Variants in KMO observed in about 807,000 individuals in gnomAD.
KMO encodes kynurenine 3-monooxygenase, also known as kynurenine 3-hydroxylase.
A neutral mutation model predicts 57.8 loss-of-function variants in KMO; 24 were observed. That is an observed-to-expected ratio of 0.42 (90% CI 0.30 to 0.58). The LOEUF is 0.58. Among genes scored for constraint, KMO ranks in the 20% least tolerant of loss-of-function variants. KMO has a pLI of 0.22. For missense variants in KMO, 483 were observed against 588.2 expected, an observed-to-expected ratio of 0.82 and a Z score of 1.85; for synonymous variants, 210 against 193.6, an observed-to-expected ratio of 1.08 and a Z score of -0.70.
At chr1:241,582,571 T>C (rs1285673245) in intron 10 of KMO, among the ~76,000 whole-genome samples, 1 of 152,230 alleles carries the variant, frequency 6.6e-6, no homozygotes, top group Non-Finnish European at 1.5e-5. Context: ...GATGCATTTT[T>C]CAATTGAATT....
At chr1:241,577,382 A>G (rs1662561906) in intron 10 of KMO, among the ~76,000 whole-genome samples, 1 of 152,008 alleles carries the variant, frequency 6.6e-6, no homozygotes, top group Non-Finnish European at 1.5e-5. Context: ...TTATTTTTAA[A>G]TTTATTTTTG....
In KMO at chr1:241,551,058, G is replaced by A. The variant is rs201269391; in HGVS notation, c.312+14G>A. On this transcript the variant is annotated intron_variant, in intron 4 of 14. Transcript: ENST00000366559. ...ACAAAGTCTCAGGTAGGTTTACCCC[G>A]GAGATCATTGTGCATTGATTATAAG... 1.6e-4 allele frequency: 226 copies of A among 1,393,232 alleles called. No individual in the cohort carries two copies. Among genetic ancestry groups the A allele is most frequent in the Admixed American group, 2.5e-4 (12 of 48,674 alleles). 86.3% of individuals were successfully genotyped at this position (1,393,232 alleles called of 1,614,324 possible).
rs1039751111 is a variant in KMO at position 241,595,324 on chromosome 1, C to G, written c.*3171C>G. 1 of 152,274 alleles carries G rather than the reference C, an allele frequency of 6.6e-6. No homozygotes were observed. Among genetic ancestry groups the G allele is most frequent in the African/African-American group, 2.4e-5 (1 of 41,422 alleles). The allele number at this position is 152,274 out of a possible 1,614,324, so 9.4% of individuals were successfully genotyped here. A position where few individuals can be genotyped will look rare whatever the true frequency, so the allele number is the denominator to read the frequency against. ...CTCTGCTGTTCCTCTCTACAAGAAC[C>G]TGGGAGGCCAACGCCTAAAGATCAT... On this transcript the variant is annotated 3_prime_UTR_variant, in exon 15 of 15. Coordinates refer to ENST00000366559, the MANE Select transcript of KMO (RefSeq NM_003679.5).
At chr1:241,574,093 G>A (rs959474023) in intron 10 of KMO, among the ~76,000 whole-genome samples, 1 of 152,020 alleles carries the variant, frequency 6.6e-6, no homozygotes, top group Non-Finnish European at 1.5e-5. Flanking sequence ...GTATAGCAAC[G>A]CTACTGATTT....
At chr1:241,575,291 C>A (rs547889599) in intron 10 of KMO, among the ~76,000 whole-genome samples, 20 of 152,040 alleles carry the variant, frequency 1.3e-4, no homozygotes, top group African/African-American at 3.6e-4. Context: ...TTGTTTATTT[C>A]TTTTCTTCTG....
intron 1 of KMO, among the ~76,000 whole-genome samples, chr1:241,543,792 C>T (rs775365251): frequency 3.9e-5 from 6 of 152,136 alleles, no homozygotes; most frequent in Non-Finnish European, 5.9e-5. Flanking sequence ...GCCCACACTA[C>T]CCGAGATCCC....
chr1:241,568,637 G>C lies in KMO; in HGVS notation c.947G>C (p.Gly316Ala). 6.2e-7 allele frequency: 1 copy of C among 1,613,522 alleles called. No homozygotes were observed. The highest frequency in any genetic ancestry group is 8.5e-7 in the Non-Finnish European group (1 of 1,179,694). The change falls in exon 10 of 15, where the codon GGA (glycine) becomes GCA (alanine). Residue 316 changes from glycine (G) to alanine (A), a missense_variant. Coordinates refer to ENST00000366559, the MANE Select transcript of KMO (RefSeq NM_003679.5). Reference protein sequence around the residue: ...AHAIVPFFGQGMNAGFEDCLV... With the variant: ...AHAIVPFFGQAMNAGFEDCLV... ...GCTATAGTGCCGTTTTTTGGGCAAG[G>C]AATGAATGCGGTAAGTTCTTTTTCC...
intron 10 of KMO, 101 bp from the exon 11 acceptor site, chr1:241,586,578 T>A: frequency 1.2e-6 from 1 of 802,850 alleles, no homozygotes; most frequent in Non-Finnish European, 2.1e-6. Flanking sequence ...AAACAGTGTA[T>A]GAATTATCTT....
chr1:241,568,980 A>G (rs572494303), intron 10 of KMO, among the ~76,000 whole-genome samples: 1 of 152,226 alleles, frequency 6.6e-6, no homozygotes, highest in East Asian at 1.9e-4. Context: ...TATATAACCT[A>G]CAGAGAATCT....
At chr1:241,537,422 T>C (rs144955930) in intron 1 of KMO, among the ~76,000 whole-genome samples, 133 of 152,338 alleles carry the variant, frequency 8.7e-4, no homozygotes, top group African/African-American at 3.2e-3. Flanking sequence ...CAAATATTAA[T>C]GAGCTATACC....
At chr1:241,540,206 T>G (rs2147940621) in intron 1 of KMO, among the ~76,000 whole-genome samples, 1 of 152,306 alleles carries the variant, frequency 6.6e-6, no homozygotes, top group African/African-American at 2.4e-5. Flanking sequence ...TACCTGTATT[T>G]TCTAATTCAT....
At chr1:241,540,939 G>A (rs1202269541) in intron 1 of KMO, among the ~76,000 whole-genome samples, 1 of 152,070 alleles carries the variant, frequency 6.6e-6, no homozygotes, top group African/African-American at 2.4e-5. Flanking sequence ...CAGCACACCT[G>A]TAATCACAGC....
intron 1 of KMO, among the ~76,000 whole-genome samples, chr1:241,547,766 C>G (rs1003371296): frequency 3.3e-5 from 5 of 152,142 alleles, no homozygotes; most frequent in South Asian, 4.1e-4. Flanking sequence ...ACTCTTGAAA[C>G]AGTTTGGCAT....
intron 5 of KMO, among the ~76,000 whole-genome samples, 177 bp from the exon 6 acceptor site, chr1:241,560,488 T>C (rs973650868): frequency 6.6e-6 from 1 of 152,220 alleles, no homozygotes; most frequent in Non-Finnish European, 1.5e-5. Context: ...TACCAAATTA[T>C]ACTGAAATAG....
chr1:241,549,762 C>A lies in KMO; in HGVS notation c.210C>A (p.Gly70=), dbSNP rs1246943243. Residue 70 remains glycine (G), a synonymous_variant, in exon 3 of 15, where the codon GGC becomes GGA. Transcript: ENST00000366559. ...HRGRQALKAV[G]LEDQIVSQGI... ...GACGACAAGCCTTGAAAGCTGTTGG[C>A]CTGGAAGATCAGGTACTTAATGTAT... 6.2e-6 allele frequency: 10 copies of A among 1,604,426 alleles called. No individual in the cohort carries two copies. Among genetic ancestry groups the A allele is most frequent in the Non-Finnish European group, 8.5e-6 (10 of 1,171,698 alleles).
rs571788026 is a variant in KMO at position 241,540,140 on chromosome 1, T to C, written c.54+7642T>C. 5.9e-5 allele frequency among the ~76,000 whole-genome samples: 9 copies of C among 152,312 alleles called. No homozygotes were observed. In the East Asian group the frequency reaches 1.2e-3, roughly 20 times the overall value. ...TGTATTTTATATACATAGAAAATGT[T>C]AATATTGGTTGCCATTGGTGGTAAA... On this transcript the variant is annotated intron_variant, in intron 1 of 14. Coordinates refer to ENST00000366559, the MANE Select transcript of KMO (RefSeq NM_003679.5).
chr1:241,540,834 C>G (rs1258624459), intron 1 of KMO, among the ~76,000 whole-genome samples: 1 of 151,990 alleles, frequency 6.6e-6, no homozygotes, highest in African/African-American at 2.4e-5. Flanking sequence ...GGGGCCGAGG[C>G]AGAAGGATCA....
At chr1:241,570,931 CT>C (rs1452784697) in intron 10 of KMO, among the ~76,000 whole-genome samples, 1 of 151,920 alleles carries the variant, frequency 6.6e-6, no homozygotes, top group Admixed American at 6.6e-5. Context: ...AATATCTTTC[CT>C]TTTTTTGTGT....
At chr1:241,568,925 A>C (rs1662178923) in intron 10 of KMO, among the ~76,000 whole-genome samples, 1 of 152,086 alleles carries the variant, frequency 6.6e-6, no homozygotes, top group South Asian at 2.1e-4. Context: ...GGATACAAAA[A>C]TCCATGGATG....
Sources: gnomAD v4.1 joint callset for allele counts (sites outside exome capture counted in the v4.1 genomes callset) on GRCh38, gnomAD v4.1.1 for gene constraint, MANE v1.5 for transcripts, NCBI Gene and HGNC (gene_info 2026-07-23, HGNC 2026-07-21) for gene names.